CCDC141: variants seen among roughly 807,000 people sequenced by gnomAD.
The protein encoded by CCDC141 is coiled-coil domain containing 141, also known as coiled-coil domain-containing protein 141.
CCDC141 carries 168 observed loss-of-function variants against 181.0 expected under a neutral mutation model. The ratio of observed to expected loss-of-function variants is 0.93; its 90% CI spans 0.82 to 1.05. The LOEUF (loss-of-function observed/expected upper bound fraction) is 1.05, where lower values mean the gene tolerates loss of function less well. Ranked by LOEUF, CCDC141 falls within the 50% of genes least tolerant of loss-of-function variation. The pLI is 0.00. For missense variants in CCDC141, 1,902 were observed against 1,788.5 expected, an observed-to-expected ratio of 1.06 and a Z score of -1.14; for synonymous variants, 666 against 642.3, an observed-to-expected ratio of 1.04 and a Z score of -0.56.
intron 22 of CCDC141, among the ~76,000 whole-genome samples, chr2:178,845,015 T>G (rs1322274631): frequency 1.3e-5 from 2 of 152,224 alleles, no homozygotes; most frequent in East Asian, 3.9e-4. Flanking sequence ...ATTTGCATTT[T>G]TGTGAGTATC....
chr2:178,997,413 T>TAGA (rs1559037401), intron 2 of CCDC141, among the ~76,000 whole-genome samples: 1 of 152,082 alleles, frequency 6.6e-6, no homozygotes, highest in Admixed American at 6.5e-5. Flanking sequence ...ATGTATCAGT[T>TAGA]AGTCAGCCTG....
chr2:178,889,797 A>G (rs1296624135), intron 8 of CCDC141, among the ~76,000 whole-genome samples: 1 of 152,224 alleles, frequency 6.6e-6, no homozygotes. Context: ...TTCCTGGCAC[A>G]TAATGTTTCA....
intron 8 of CCDC141, among the ~76,000 whole-genome samples, chr2:178,891,773 ATCTCTCTC>A (rs34185031): frequency 2.9e-4 from 44 of 149,394 alleles, no homozygotes; most frequent in Non-Finnish European, 4.9e-4. Flanking sequence ...ATCATATAGG[ATCTCTCTC>A]TCTCTCTCTC....
intron 2 of CCDC141, chr2:179,002,505 T>C (rs1218422867): frequency 2.4e-6 from 1 of 415,460 alleles, no homozygotes; most frequent in East Asian, 7.7e-5. Flanking sequence ...TAAAAAAAGA[T>C]GATGTCCAAC....
intron 11 of CCDC141, among the ~76,000 whole-genome samples, chr2:178,881,388 T>C (rs1686600016): frequency 6.6e-6 from 1 of 152,168 alleles, no homozygotes; most frequent in Non-Finnish European, 1.5e-5. Context: ...TTATGAAATA[T>C]GTGAGTTTTA....
At chr2:178,970,134 A>G (rs548429082) in intron 4 of CCDC141, among the ~76,000 whole-genome samples, 33 of 152,346 alleles carry the variant, frequency 2.2e-4, no homozygotes, top group African/African-American at 7.9e-4. Flanking sequence ...ACACAAACAA[A>G]TGGAAAAACA....
intron 6 of CCDC141, among the ~76,000 whole-genome samples, chr2:178,937,649 T>C (rs1001531953): frequency 6.6e-6 from 1 of 152,118 alleles, no homozygotes; most frequent in African/African-American, 2.4e-5. Flanking sequence ...GTAGGAATGG[T>C]TCCAGCTCTT....
chr2:178,837,902 C>T (rs1308980104), intron 22 of CCDC141, among the ~76,000 whole-genome samples, 158 bp from the exon 23 acceptor site: 1 of 152,210 alleles, frequency 6.6e-6, no homozygotes, highest in Non-Finnish European at 1.5e-5. Flanking sequence ...AACCATTTGT[C>T]TGTCGATCCT....
chr2:178,917,231 C>T (rs1688492856), intron 7 of CCDC141, among the ~76,000 whole-genome samples: 1 of 152,118 alleles, frequency 6.6e-6, no homozygotes, highest in Admixed American at 6.5e-5. Flanking sequence ...TTAAAAGTCT[C>T]TTATTCAAAA....
chr2:178,954,133 C>A (rs146638125), intron 5 of CCDC141, among the ~76,000 whole-genome samples: 1 of 152,146 alleles, frequency 6.6e-6, no homozygotes. Context: ...TTGACACTGT[C>A]GTGTACGCAG....
chr2:178,964,063 A>T (rs545818861), intron 4 of CCDC141, among the ~76,000 whole-genome samples: 2 of 152,334 alleles, frequency 1.3e-5, no homozygotes, highest in African/African-American at 4.8e-5. Flanking sequence ...ACAAGTTCTT[A>T]TGGGGAGGTC....
Position 178,837,201 on chromosome 2 carries a change from C to G in CCDC141, c.4018G>C (p.Gly1340Arg). 1 of 1,613,926 alleles carries G rather than the reference C, an allele frequency of 6.2e-7. No individual in the cohort carries two copies. The highest frequency in any genetic ancestry group is 8.5e-7 in the Non-Finnish European group (1 of 1,179,962). The change falls in exon 23 of 24, where the codon GGT becomes CGT. Residue 1340 changes from glycine to arginine, a missense_variant. By Grantham distance (125) the Gly-to-Arg change is moderately radical (BLOSUM62 -2). Transcript: ENST00000443758. ...RALQQHPQAQ[G>R]GLLETREKMH... ...TTCTCCCGTGTTTCTAGCAAACCACCCTGAGCCTGAGGGTGCTGCTGTAAA... is the reference window on the plus strand; with the variant it reads ...TTCTCCCGTGTTTCTAGCAAACCACGCTGAGCCTGAGGGTGCTGCTGTAAA...
chr2:178,979,947 A>T (rs1314555926), intron 2 of CCDC141, among the ~76,000 whole-genome samples: 1 of 152,206 alleles, frequency 6.6e-6, no homozygotes, highest in Admixed American at 6.5e-5. Flanking sequence ...ACGTAGTATT[A>T]GACAACTTGT....
At position 178,846,507 on chromosome 2, in the gene CCDC141, C is replaced by T. The variant is rs79889581; in HGVS notation, c.3358-765G>A. ...ACAAACATGCATGCTCATCAAAATG[C>T]ATATGCAACACTGGCTCGGAGGATT... On this transcript the variant is annotated intron_variant, in intron 21 of 23. Coordinates refer to ENST00000443758, the MANE Select transcript of CCDC141 (RefSeq NM_173648.4). 5.2e-3 allele frequency among the ~76,000 whole-genome samples: 789 copies of T among 152,276 alleles called. 10 individuals carry two copies. Among genetic ancestry groups the T allele is most frequent in the African/African-American group, 0.018 (730 of 41,552 alleles).
Position 178,950,992 on chromosome 2 carries a change from A to G in CCDC141, c.781-6341T>C, listed in dbSNP as rs1251449401. On this transcript the variant is annotated intron_variant, in intron 5 of 23. Coordinates refer to ENST00000443758, the MANE Select transcript of CCDC141 (RefSeq NM_173648.4). The stretch of plus-strand genomic sequence containing the variant: ...CCACAACAGTTATTTGTGTTTAGGT[A>G]GGTTCTTTCTTCCAACCACTTAATG... Among the ~76,000 whole-genome samples, 4 of 152,158 alleles carry G rather than the reference A, an allele frequency of 2.6e-5. No individual in the cohort carries two copies. The East Asian group carries it at 7.7e-4, about 29-fold the overall frequency.
rs1047179851 is a variant in CCDC141 at position 178,877,823 on chromosome 2, A to T, written c.1899+141T>A. On this transcript the variant is annotated intron_variant, in intron 12 of 23. Transcript: ENST00000443758. Reference sequence around the variant, plus strand: ...AAGCATTTAAATGTTGGGCTTCAGGACTGGTCTAGGTTGAATGAAGCTAAA... The same window carrying T: ...AAGCATTTAAATGTTGGGCTTCAGGTCTGGTCTAGGTTGAATGAAGCTAAA... The T allele has an allele frequency of 5.2e-6, 4 of 770,248 alleles. No homozygotes were observed. In the African/African-American group the frequency reaches 5.3e-5, roughly 10 times the overall value. 47.7% of individuals were successfully genotyped at this position (770,248 alleles called of 1,614,324 possible). A position where few individuals can be genotyped will look rare whatever the true frequency, so the allele number is the denominator to read the frequency against.
At chr2:178,925,264 T>C (rs1389966365) in intron 6 of CCDC141, among the ~76,000 whole-genome samples, 1 of 152,232 alleles carries the variant, frequency 6.6e-6, no homozygotes, top group Non-Finnish European at 1.5e-5. Flanking sequence ...TTTATTTTAG[T>C]TCATTCAGAT....
Position 178,932,942 on chromosome 2 carries a change from T to G in CCDC141, c.897+11593A>C, listed in dbSNP as rs545315420. On this transcript the variant is annotated intron_variant, in intron 6 of 23. Coordinates refer to ENST00000443758, the MANE Select transcript of CCDC141 (RefSeq NM_173648.4). ...TATTTTTTAACTTTAAACTGAGCTC[T>G]TTCCTTTGACTATAGTTTCTGTGGG... Among the ~76,000 whole-genome samples the G allele has an allele frequency of 5.3e-5, 8 of 152,238 alleles. No individual in the cohort carries two copies. In the South Asian group the frequency reaches 1.2e-3, roughly 24 times the overall value.
chr2:178,894,838 A>G (rs1027959751), intron 8 of CCDC141, among the ~76,000 whole-genome samples: 2 of 152,154 alleles, frequency 1.3e-5, no homozygotes, highest in Non-Finnish European at 2.9e-5. Flanking sequence ...CAGAAAAGTA[A>G]TATTTAAAAA....
Sources: allele counts gnomAD v4.1 joint callset (sites outside exome capture counted in the v4.1 genomes callset), GRCh38; gene constraint gnomAD v4.1.1; transcripts MANE v1.5; gene names NCBI Gene and HGNC (gene_info 2026-07-23, HGNC 2026-07-21).